GOPC: variants seen among roughly 807,000 people sequenced by gnomAD.
GOPC encodes the protein golgi associated PDZ and coiled-coil motif containing, also known as Golgi-associated PDZ and coiled-coil motif-containing protein.
A neutral mutation model predicts 51.2 loss-of-function variants in GOPC; 32 were observed. That is an observed-to-expected ratio of 0.63 (90% CI 0.47 to 0.84). The LOEUF (loss-of-function observed/expected upper bound fraction) is 0.84. GOPC is among the 40% of genes least tolerant of loss of function. The pLI is 0.00. For missense variants in GOPC, 441 were observed against 555.5 expected, an observed-to-expected ratio of 0.79 and a Z score of 2.07; for synonymous variants, 190 against 205.1, an observed-to-expected ratio of 0.93 and a Z score of 0.63.
chr6:117,585,887 T>G (rs1008928391), intron 1 of GOPC, among the ~76,000 whole-genome samples: 1 of 152,110 alleles, frequency 6.6e-6, no homozygotes, highest in African/African-American at 2.4e-5. Flanking sequence ...AAAGCACACA[T>G]TCCCCAAGTT....
intron 1 of GOPC, among the ~76,000 whole-genome samples, chr6:117,586,820 A>C (rs561937059): frequency 1.2e-4 from 19 of 152,306 alleles, no homozygotes; most frequent in African/African-American, 4.6e-4. Context: ...ATTCTTCATA[A>C]GACCTTTTCT....
chr6:117,571,056 A>G, intron 5 of GOPC, 101 bp from the exon 6 acceptor site: 1 of 492,092 alleles, frequency 2.0e-6, no homozygotes, highest in East Asian at 3.0e-5. Flanking sequence ...ATCTGTATTA[A>G]CTTCCTGGAA....
At chr6:117,566,522 C>G (rs1779700875) in intron 8 of GOPC, among the ~76,000 whole-genome samples, 1 of 152,126 alleles carries the variant, frequency 6.6e-6, no homozygotes, top group Non-Finnish European at 1.5e-5. Flanking sequence ...TCAAGACAGA[C>G]AGACAATGTA....
chr6:117,560,771 C>T lies in GOPC; in HGVS notation c.*2483G>A, dbSNP rs1042080193. The T allele has an allele frequency of 1.9e-5, 4 of 209,500 alleles. No individual in the cohort carries two copies. Among genetic ancestry groups the T allele is most frequent in the Non-Finnish European group, 3.9e-5 (4 of 103,034 alleles). The allele number at this position is 209,500 out of a possible 1,614,324, so 13.0% of individuals were successfully genotyped here. A position where few individuals can be genotyped will look rare whatever the true frequency, so the allele number is the denominator to read the frequency against. Reference sequence around the variant, plus strand: ...TATACACGCACACATACAACCCTCACATTTTATTAAAACGTTTTCTCAACC... The same window carrying T: ...TATACACGCACACATACAACCCTCATATTTTATTAAAACGTTTTCTCAACC... On this transcript the variant is annotated 3_prime_UTR_variant, in exon 9 of 9. Coordinates refer to ENST00000368498, the MANE Select transcript of GOPC (RefSeq NM_020399.4).
At chr6:117,597,317 C>T (rs1012861720) in intron 1 of GOPC, among the ~76,000 whole-genome samples, 1 of 152,148 alleles carries the variant, frequency 6.6e-6, no homozygotes, top group African/African-American at 2.4e-5. Context: ...GGTATACTAT[C>T]ATGTCATCAG....
chr6:117,573,558 G>A lies in GOPC; in HGVS notation c.725C>T (p.Ala242Val). ...AHDKLWNQLE[A>V]EIHLHRHKTV... is the part of the protein sequence containing the mutation. ...TTTGTGACGATGCAAATGTATTTCA[G>A]CTTCTAATTGGTTCCAAAGCTTATC... Residue 242 changes from alanine (A) to valine (V), a missense_variant, in exon 5 of 9, where the codon GCT becomes GTT. Coordinates refer to ENST00000368498, the MANE Select transcript of GOPC (RefSeq NM_020399.4). The A allele has an allele frequency of 6.2e-7, 1 of 1,613,976 alleles. No homozygotes were observed. Among genetic ancestry groups the A allele is most frequent in the Non-Finnish European group, 8.5e-7 (1 of 1,179,938 alleles).
At chr6:117,567,383 C>T (rs1360426393) in intron 7 of GOPC, among the ~76,000 whole-genome samples, 1 of 152,126 alleles carries the variant, frequency 6.6e-6, no homozygotes, top group Non-Finnish European at 1.5e-5. Context: ...GTACTGCACA[C>T]AGCAATTCAG....
intron 1 of GOPC, among the ~76,000 whole-genome samples, chr6:117,596,861 G>T (rs1175356501): frequency 6.6e-6 from 1 of 152,052 alleles, no homozygotes; most frequent in Non-Finnish European, 1.5e-5. Flanking sequence ...TCTTGCTTTG[G>T]CTATGTGGGC....
chr6:117,570,809 T>C (rs780975016), intron 6 of GOPC, 51 bp downstream of exon 6: 3 of 800,760 alleles, frequency 3.7e-6, no homozygotes, highest in Admixed American at 4.7e-5. Flanking sequence ...CAAAGGAGCA[T>C]GATTATACTA....
chr6:117,576,211 G>A (rs1779879484), intron 3 of GOPC, among the ~76,000 whole-genome samples: 1 of 151,576 alleles, frequency 6.6e-6, no homozygotes, highest in East Asian at 1.9e-4. Flanking sequence ...ACTACTAAAT[G>A]CTAGATATAT....
chr6:117,597,915 T>C (rs1417689284), intron 1 of GOPC, among the ~76,000 whole-genome samples: 1 of 148,192 alleles, frequency 6.7e-6, no homozygotes, highest in South Asian at 2.1e-4. Context: ...AAAAAAGTGG[T>C]ATATATACAC....
Position 117,560,364 on chromosome 6 carries a change from A to T in GOPC, c.*2890T>A, listed in dbSNP as rs987989846. On this transcript the variant is annotated 3_prime_UTR_variant, in exon 9 of 9. Coordinates refer to ENST00000368498, the MANE Select transcript of GOPC (RefSeq NM_020399.4). ...ATCTTTATTTACAGGCTAATAAAAA[A>T]ATATTAAACTCAACTAGATATAATA... 10 of 182,234 alleles carry T rather than the reference A, an allele frequency of 5.5e-5. No individual in the cohort carries two copies. Among genetic ancestry groups the T allele is most frequent in the Non-Finnish European group, 1.2e-4 (10 of 85,198 alleles). The allele number at this position is 182,234 out of a possible 1,614,324, so 11.3% of individuals were successfully genotyped here. A position where few individuals can be genotyped will look rare whatever the true frequency, so the allele number is the denominator to read the frequency against.
At position 117,602,131 on chromosome 6, in the gene GOPC, C is replaced by T. The variant is rs138303594; in HGVS notation, c.158G>A (p.Gly53Glu). The T allele has an allele frequency of 5.8e-4, 938 of 1,614,080 alleles. No homozygotes were observed. The highest frequency in any genetic ancestry group is 7.6e-4 in the Non-Finnish European group (902 of 1,180,038). ...GTCCGCTTGGTCTGGATCGATCTCT[C>T]CCAGGAGCAGATCCACATCCACAAA... ...KAFVDVDLLL[G>E]EIDPDQADIT... The change falls in exon 1 of 9, where the codon GGA (glycine) becomes GAA (glutamate). Residue 53 changes from glycine (G) to glutamate (E), a missense_variant. Gly to Glu is a moderately conservative substitution (Grantham distance 98). This residue lies in a region of GOPC where 204 missense variants were observed against 219.8 expected (regional missense o/e 0.93). Transcript: ENST00000368498.
At chr6:117,581,922 G>T (rs2114617121) in intron 1 of GOPC, among the ~76,000 whole-genome samples, 1 of 152,234 alleles carries the variant, frequency 6.6e-6, no homozygotes, top group South Asian at 2.1e-4. Context: ...GACTTCAGGA[G>T]AAAAGGTCAC....
Position 117,563,065 on chromosome 6 carries a change from ATTATGGTCT to A in GOPC, c.*180_*188del, listed in dbSNP as rs1779618291. ...AAAATTGCTTTACATGCAATAGCTA[ATTATGGTCT>A]ACCACAGAAAACAGGGTGTTTTATG... On this transcript the variant is annotated 3_prime_UTR_variant, in exon 9 of 9. Coordinates refer to ENST00000368498, the MANE Select transcript of GOPC (RefSeq NM_020399.4). 1.1e-5 allele frequency: 6 copies of A among 557,206 alleles called. No individual in the cohort carries two copies. The highest frequency in any genetic ancestry group is 1.9e-5 in the Non-Finnish European group (6 of 315,666). 34.5% of individuals were successfully genotyped at this position (557,206 alleles called of 1,614,324 possible). A position where few individuals can be genotyped will look rare whatever the true frequency, so the allele number is the denominator to read the frequency against.
chr6:117,577,475 C>A lies in GOPC; in HGVS notation c.451-4G>T, dbSNP rs1330539240. 3 of 1,598,966 alleles carry A rather than the reference C, an allele frequency of 1.9e-6. No individual in the cohort carries two copies. Among genetic ancestry groups the A allele is most frequent in the Non-Finnish European group, 2.6e-6 (3 of 1,172,848 alleles). ...GCTCCTCCACAGAGGGGCCAGACTTCAGATATAAGAAAAAAGTTTTATAAT... is the reference window on the plus strand; with the variant it reads ...GCTCCTCCACAGAGGGGCCAGACTTAAGATATAAGAAAAAAGTTTTATAAT... On this transcript the variant is annotated splice_region_variant and splice_polypyrimidine_tract_variant and intron_variant, in intron 2 of 8. Transcript: ENST00000368498.
chr6:117,560,759 A>G lies in GOPC; in HGVS notation c.*2495T>C. The G allele has an allele frequency of 4.8e-6, 1 of 208,012 alleles. No homozygotes were observed. The highest frequency in any genetic ancestry group is 9.8e-6 in the Non-Finnish European group (1 of 101,950). 12.9% of individuals were successfully genotyped at this position (208,012 alleles called of 1,614,324 possible). On this transcript the variant is annotated 3_prime_UTR_variant, in exon 9 of 9. Coordinates refer to ENST00000368498, the MANE Select transcript of GOPC (RefSeq NM_020399.4). ...TAAGTGTAAATATATACACGCACAC[A>G]TACAACCCTCACATTTTATTAAAAC...
chr6:117,591,380 C>T (rs1780114668), intron 1 of GOPC, among the ~76,000 whole-genome samples: 1 of 152,170 alleles, frequency 6.6e-6, no homozygotes, highest in Non-Finnish European at 1.5e-5. Flanking sequence ...AACTATTTCC[C>T]CTAAAACATG....
chr6:117,572,455 T>C (rs1285522265), intron 5 of GOPC, among the ~76,000 whole-genome samples: 2 of 152,204 alleles, frequency 1.3e-5, no homozygotes, highest in Non-Finnish European at 2.9e-5. Context: ...TATACCAAAA[T>C]AACTATTAAA....
Sources: gnomAD v4.1 joint callset for allele counts (sites outside exome capture counted in the v4.1 genomes callset) on GRCh38, gnomAD v4.1.1 for gene constraint, gnomAD v4.1.1 regional missense constraint, MANE v1.5 for transcripts, NCBI Gene and HGNC (gene_info 2026-07-23, HGNC 2026-07-21) for gene names.